Variants in SLC30A8 observed in about 807,000 individuals in gnomAD.
SLC30A8 encodes proton-coupled zinc antiporter SLC30A8.
Under a neutral mutation model 36.9 loss-of-function variants are expected in SLC30A8, and 27 were observed. The ratio of observed to expected loss-of-function variants is 0.73; its 90% confidence interval spans 0.54 to 1.01. The LOEUF (loss-of-function observed/expected upper bound fraction) is 1.01. Ranked by LOEUF, SLC30A8 falls within the 50% of genes least tolerant of loss-of-function variation. SLC30A8 has a pLI of 0.00. For synonymous variants in SLC30A8, 164 were observed against 172.4 expected (o/e 0.95, Z 0.38); for missense variants, 439 against 452.0 (o/e 0.97, Z 0.26).
intron 1 of SLC30A8, among the ~76,000 whole-genome samples, chr8:116,969,960 TTC>T (rs1038194402): frequency 2.0e-5 from 3 of 152,094 alleles, no homozygotes; most frequent in Non-Finnish European, 2.9e-5. Context: ...AGAAAAAAAT[TTC>T]TTTCTTTGAT....
At chr8:117,083,759 G>A (rs1320836510) in intron 2 of SLC30A8, among the ~76,000 whole-genome samples, 1 of 152,138 alleles carries the variant, frequency 6.6e-6, no homozygotes, top group Non-Finnish European at 1.5e-5. Context: ...TTGTGGACCT[G>A]CAGTAGACAT....
upstream of SLC30A8, among the ~76,000 whole-genome samples, chr8:117,134,043 C>T (rs1246350651): frequency 6.6e-6 from 1 of 151,962 alleles, no homozygotes; most frequent in Non-Finnish European, 1.5e-5. Context: ...CTAATAGTCT[C>T]ATTCTGAACC....
rs139225612 is a variant in SLC30A8 at position 116,951,560 on chromosome 8, A to G, written c.-266+441A>G. 3.2e-3 allele frequency among the ~76,000 whole-genome samples: 480 copies of G among 152,094 alleles called. 2 individuals carry two copies. Among genetic ancestry groups the G allele is most frequent in the Middle Eastern group, 0.02 (6 of 294 alleles). On this transcript the variant is annotated intron_variant, in intron 1 of 10. Coordinates refer to the SLC30A8 transcript ENST00000427715. ...TTTCCCCTATGACAGCATCTACCAC[A>G]TGTATCGTAATACCTTATTGAATTA...
chr8:117,042,343 A>G (rs1265088517), intron 2 of SLC30A8, among the ~76,000 whole-genome samples: 1 of 152,258 alleles, frequency 6.6e-6, no homozygotes, highest in African/African-American at 2.4e-5. Context: ...TGAGCTCTGC[A>G]GAAGCAGTCA....
chr8:117,105,046 G>T (rs1819922195), intron 2 of SLC30A8, among the ~76,000 whole-genome samples: 1 of 152,078 alleles, frequency 6.6e-6, no homozygotes, highest in African/African-American at 2.4e-5. Flanking sequence ...CTTGGTTTTG[G>T]TGGGTTTTGG....
At position 117,026,742 on chromosome 8, in the gene SLC30A8, T is replaced by A. The variant is rs1047335134; in HGVS notation, c.-265-12477T>A. Among the ~76,000 whole-genome samples, 6 of 152,320 alleles carry A rather than the reference T, an allele frequency of 3.9e-5. No homozygotes were observed. In the South Asian group the frequency reaches 1.0e-3, roughly 26 times the overall value. On this transcript the variant is annotated intron_variant, in intron 1 of 10. Transcript: ENST00000427715. ...GAATGGTTAAAACACGTACATGTAT[T>A]GTGCACTCTTGCTATCTGCCAGGCC...
At chr8:117,045,948 C>CT (rs887119600) in intron 2 of SLC30A8, among the ~76,000 whole-genome samples, 126 of 142,050 alleles carry the variant, frequency 8.9e-4, no homozygotes, top group Middle Eastern at 3.6e-3. Flanking sequence ...TTTTTTCTTT[C>CT]TTTTTTTTTT....
In SLC30A8 at chr8:116,974,957, G is replaced by T. The variant is rs1186471605; in HGVS notation, c.-266+23838G>T. On this transcript the variant is annotated intron_variant, in intron 1 of 10. Coordinates refer to the SLC30A8 transcript ENST00000427715. ...AAGGACAGAAAACCAAACACTGCAT[G>T]TTCTCACTCATAGGTGGGAATTGAA... 4.7e-5 allele frequency among the ~76,000 whole-genome samples: 7 copies of T among 147,458 alleles called. No individual in the cohort carries two copies. The South Asian group carries it at 1.5e-3, about 31-fold the overall frequency.
chr8:117,127,093 G>T (rs1586557994), intron 2 of SLC30A8, among the ~76,000 whole-genome samples: 1 of 151,878 alleles, frequency 6.6e-6, no homozygotes, highest in South Asian at 2.1e-4. Flanking sequence ...AGAGGCCACT[G>T]GACCTGTCCT....
intron 1 of SLC30A8, among the ~76,000 whole-genome samples, chr8:117,028,217 A>G (rs901572439): frequency 1.3e-5 from 2 of 152,196 alleles, no homozygotes; most frequent in African/African-American, 4.8e-5. Flanking sequence ...ACAATCACTT[A>G]TACTTGCTAG....
At chr8:116,988,899 T>A (rs1815540000) in intron 1 of SLC30A8, among the ~76,000 whole-genome samples, 2 of 152,210 alleles carry the variant, frequency 1.3e-5, no homozygotes, top group Admixed American at 1.3e-4. Flanking sequence ...CCCATTCATA[T>A]AGATTTTCAT....
chr8:117,125,501 T>C (rs1820866704), intron 2 of SLC30A8, among the ~76,000 whole-genome samples: 1 of 152,000 alleles, frequency 6.6e-6, no homozygotes, highest in African/African-American at 2.4e-5. Context: ...TATGGGAAAC[T>C]TGTGCTATTA....
At chr8:117,143,097 T>TA (rs1394596666) in intron 1 of SLC30A8, among the ~76,000 whole-genome samples, 3 of 151,936 alleles carry the variant, frequency 2.0e-5, no homozygotes, top group South Asian at 4.2e-4. Context: ...AATAAGAGGA[T>TA]AAAAAAATAC....
intron 2 of SLC30A8, among the ~76,000 whole-genome samples, chr8:117,041,681 C>T (rs191627195): frequency 6.6e-6 from 1 of 151,486 alleles, no homozygotes; most frequent in Admixed American, 6.6e-5. Flanking sequence ...AAGAGGTAAA[C>T]TCTGTCTCAA....
chr8:117,087,234 A>T (rs955307403), intron 2 of SLC30A8, among the ~76,000 whole-genome samples: 1 of 152,224 alleles, frequency 6.6e-6, no homozygotes, highest in Non-Finnish European at 1.5e-5. Flanking sequence ...GGTAATTTAC[A>T]TTAGTAGGAA....
chr8:117,017,401 A>T (rs1172637063), intron 1 of SLC30A8, among the ~76,000 whole-genome samples: 2 of 152,168 alleles, frequency 1.3e-5, no homozygotes, highest in Non-Finnish European at 2.9e-5. Flanking sequence ...CTTAAATTTT[A>T]TCTCAGTTGC....
intron 6 of SLC30A8, among the ~76,000 whole-genome samples, chr8:117,167,385 T>A (rs1337279616): frequency 2.6e-5 from 4 of 152,056 alleles, no homozygotes; most frequent in Admixed American, 2.6e-4. Context: ...AAAAGTCTCC[T>A]TATAATTCCG....
chr8:117,166,766 A>ATTTTTTTTTTT lies in SLC30A8; in HGVS notation c.829+3246_829+3256dup, dbSNP rs71305462. On this transcript the variant is annotated intron_variant, in intron 6 of 7. Coordinates refer to ENST00000456015, the MANE Select transcript of SLC30A8 (RefSeq NM_173851.3). ...GATTGAAATATCCAGACATTAGCTGATTTTTTTTTTTTTTTTTTTTGTCCA... is the reference window on the plus strand; with the variant it reads ...GATTGAAATATCCAGACATTAGCTGATTTTTTTTTTTTTTTTTTTTTTTTTTTTTTTGTCCA... Among the ~76,000 whole-genome samples, 386 of 128,604 alleles carry ATTTTTTTTTTT rather than the reference A, an allele frequency of 3.0e-3. 7 individuals are homozygous for ATTTTTTTTTTT. Among genetic ancestry groups the ATTTTTTTTTTT allele is most frequent in the African/African-American group, 9.6e-3 (318 of 33,086 alleles). 84.4% of individuals were successfully genotyped at this position (128,604 alleles called of 152,430 possible).
chr8:117,100,601 T>G (rs959732646), intron 2 of SLC30A8, among the ~76,000 whole-genome samples: 4 of 152,130 alleles, frequency 2.6e-5, no homozygotes, highest in African/African-American at 9.7e-5. Context: ...CACTTGCAGG[T>G]CTTCTACAGT....
Sources: gnomAD v4.1 joint callset for allele counts (sites outside exome capture counted in the v4.1 genomes callset) on GRCh38, gnomAD v4.1.1 for gene constraint, MANE v1.5 for transcripts, NCBI Gene and HGNC (gene_info 2026-07-23, HGNC 2026-07-21) for gene names.